PES1: variants seen among roughly 807,000 people sequenced by gnomAD.
The protein encoded by PES1 is pescadillo homolog.
Under a neutral mutation model 77.1 loss-of-function variants are expected in PES1, and 31 were observed. That is an observed-to-expected ratio of 0.40 (90% confidence interval 0.30 to 0.54). PES1 has a LOEUF of 0.54. Ranked by LOEUF, PES1 falls within the 20% of genes least tolerant of loss-of-function variation. The pLI, the probability that PES1 is intolerant of heterozygous loss-of-function variation, is 0.45. For synonymous variants in PES1, 282 were observed against 303.0 expected (o/e 0.93, Z 0.72); for missense variants, 658 against 771.7 (o/e 0.85, Z 1.75).
rs746831383 is a variant in PES1, at chr22:30,589,222, T to G, written c.73A>C (p.Lys25Gln). 3 of 1,614,044 alleles carry G rather than the reference T, an allele frequency of 1.9e-6. No individual in the cohort carries two copies. Among genetic ancestry groups the G allele is most frequent in the Non-Finnish European group, 2.5e-6 (3 of 1,179,964 alleles). ...TCAGCCAAGCTCAGCTGGAGCTTCTTCCGGGCTTTGTTCCGGGTGATGTAG... is the reference window on the plus strand; with the variant it reads ...TCAGCCAAGCTCAGCTGGAGCTTCTGCCGGGCTTTGTTCCGGGTGATGTAG... Reference protein sequence around the residue: ...TNYITRNKARKKLQLSLADFR... With the variant: ...TNYITRNKARQKLQLSLADFR... Residue 25 changes from lysine to glutamine, a missense_variant, in exon 2 of 15, where the codon AAG (lysine) becomes CAG (glutamine). Coordinates refer to ENST00000354694, the MANE Select transcript of PES1 (RefSeq NM_014303.4).
intron 2 of PES1, chr22:30,605,391 CT>C: frequency 7.5e-6 from 7 of 927,908 alleles, no homozygotes; most frequent in Non-Finnish European, 7.7e-6. Context: ...TGTCTCCCTC[CT>C]TTACTTCGAC....
At chr22:30,585,521 A>G (rs4820017) in intron 4 of PES1, among the ~76,000 whole-genome samples, 12,441 of 152,138 alleles carry the variant, frequency 0.082, 605 homozygotes, top group Admixed American at 0.12. Flanking sequence ...GCCCAAGCGG[A>G]CAGACAGAGC....
upstream of PES1, among the ~76,000 whole-genome samples, chr22:30,593,100 G>C (rs946034823): frequency 1.3e-5 from 2 of 152,158 alleles, no homozygotes; most frequent in Non-Finnish European, 2.9e-5. Flanking sequence ...CACAGAGACA[G>C]ACGTTAAGCA....
In PES1 at chr22:30,580,053, C is replaced by T; in HGVS notation, c.1169G>A (p.Arg390Lys). 1 of 1,613,760 alleles carries T rather than the reference C, an allele frequency of 6.2e-7. No individual in the cohort carries two copies. The highest frequency in any genetic ancestry group is 1.3e-5 in the African/African-American group (1 of 75,036). ...RPGQQTSVIG[R>K]CYVQPQWVFD... ...CGGACGAGGACCCTTGAGGGCCTAC[C>T]TGCCAATGACTGAGGTCTGCTGCCC... The change falls in exon 11 of 15, where the codon AGG becomes AAG. Residue 390 changes from arginine to lysine, a missense_variant and splice_region_variant. Arg to Lys is a conservative substitution (Grantham distance 26, BLOSUM62 2). Coordinates refer to ENST00000354694, the MANE Select transcript of PES1 (RefSeq NM_014303.4).
intron 3 of PES1, among the ~76,000 whole-genome samples, chr22:30,587,654 T>C (rs1308600928): frequency 6.6e-6 from 1 of 152,064 alleles, no homozygotes; most frequent in Non-Finnish European, 1.5e-5. Context: ...ACTCCACACG[T>C]TTACATGGGA....
At chr22:30,585,233 G>A (rs1188164343) in intron 4 of PES1, 2 of 471,154 alleles carry the variant, frequency 4.2e-6, no homozygotes, top group Non-Finnish European at 4.4e-6. Context: ...TCATCCCTTG[G>A]ACATGTCTAG....
rs1327182774 is a variant in PES1, at chr22:30,584,670, G to C, written c.416C>G (p.Ser139Cys). 1.2e-6 allele frequency: 2 copies of C among 1,613,842 alleles called. No individual in the cohort carries two copies. Reference sequence around the variant, plus strand: ...GAAGGTGGAAAACAGGAAGCACATGGAGAGGGCATCGTCCAGGTCCCGCAG... The same window carrying C: ...GAAGGTGGAAAACAGGAAGCACATGCAGAGGGCATCGTCCAGGTCCCGCAG... Reference protein sequence around the residue: ...DALRDLDDALSMCFLFSTFPR... With the variant: ...DALRDLDDALCMCFLFSTFPR... The change falls in exon 5 of 15, where the codon TCC becomes TGC. Residue 139 changes from serine (S) to cysteine (C), a missense_variant. Coordinates refer to ENST00000354694, the MANE Select transcript of PES1 (RefSeq NM_014303.4).
chr22:30,603,319 A>G (rs967858485), intron 2 of PES1, among the ~76,000 whole-genome samples: 5 of 152,004 alleles, frequency 3.3e-5, no homozygotes, highest in African/African-American at 1.2e-4. Context: ...GGATTTTTTT[A>G]TGATTTTATC....
chr22:30,585,145 G>C, intron 4 of PES1: 1 of 414,500 alleles, frequency 2.4e-6, no homozygotes, highest in South Asian at 1.8e-5. Flanking sequence ...GAGCGGGGTG[G>C]GGGCTGCTTC....
intron 9 of PES1, 82 bp downstream of exon 9, chr22:30,580,930 T>C (rs1340009698): frequency 3.9e-6 from 5 of 1,268,562 alleles, no homozygotes; most frequent in African/African-American, 1.5e-5. Context: ...CACCTAATTA[T>C]AGGATGCAAA....
intron 1 of PES1, among the ~76,000 whole-genome samples, chr22:30,605,921 T>C (rs145019485): frequency 1.3e-5 from 2 of 152,342 alleles, no homozygotes; most frequent in East Asian, 3.9e-4. Context: ...ATGGAAATGA[T>C]TGGAGATATT....
intron 6 of PES1, 74 bp downstream of exon 6, chr22:30,584,291 A>G: frequency 8.2e-7 from 1 of 1,220,180 alleles, no homozygotes; most frequent in Non-Finnish European, 1.2e-6. Context: ...TGGACAGCAA[A>G]ATCCCCCTTC....
intron 4 of PES1, chr22:30,586,871 C>T (rs1257275214): frequency 5.9e-6 from 1 of 169,100 alleles, no homozygotes; most frequent in Non-Finnish European, 1.3e-5. Flanking sequence ...ATTGTTTGAA[C>T]CTGGGAGGTG....
chr22:30,580,533 C>G, intron 10 of PES1, 38 bp downstream of exon 10: 2 of 1,611,450 alleles, frequency 1.2e-6, no homozygotes, highest in South Asian at 1.1e-5. Context: ...AGAGCATGGC[C>G]GAACCAATGC....
intron 2 of PES1, among the ~76,000 whole-genome samples, chr22:30,600,480 C>G (rs986043213): frequency 4.0e-5 from 6 of 151,610 alleles, no homozygotes; most frequent in Non-Finnish European, 8.8e-5. Context: ...CTCGGGAGTT[C>G]GAGACCAGCC....
chr22:30,599,440 T>C (rs564637864), intron 2 of PES1, among the ~76,000 whole-genome samples: 69 of 151,906 alleles, frequency 4.5e-4, no homozygotes, highest in African/African-American at 1.5e-3. Context: ...TAATTTAATA[T>C]AACTAGTTTA....
chr22:30,588,245 C>G, intron 2 of PES1, 71 bp from the exon 3 acceptor site: 1 of 1,588,778 alleles, frequency 6.3e-7, no homozygotes, highest in Non-Finnish European at 8.6e-7. Context: ...ACAGCTGGGC[C>G]TGGAAAACAA....
At position 30,579,188 on chromosome 22, in the gene PES1, C is replaced by A; in HGVS notation, c.1470G>T (p.Lys490Asn). ...GGGCTGCCAGCCGGGCCTCTTCCTC[C>A]TTTTCTGAACCAGCCTCTGCATCTT... ...EEEDAEAGSEKEEEARLAALE... is the reference protein window; with the variant it reads ...EEEDAEAGSENEEEARLAALE... Residue 490 changes from lysine (K) to asparagine (N), a missense_variant, in exon 13 of 15, where the codon AAG becomes AAT. By Grantham distance (94) the Lys-to-Asn change is moderately conservative. Coordinates refer to ENST00000354694, the MANE Select transcript of PES1 (RefSeq NM_014303.4). 1 of 1,608,306 alleles carries A rather than the reference C, an allele frequency of 6.2e-7. No individual in the cohort carries two copies.
At chr22:30,587,479 A>G in intron 3 of PES1, 84 bp from the exon 4 acceptor site, 1 of 1,024,370 alleles carries the variant, frequency 9.8e-7, no homozygotes, top group South Asian at 1.3e-5. Flanking sequence ...AACGCAGGGC[A>G]GAAGGACTCT....
Sources: gnomAD v4.1 joint callset for allele counts (sites outside exome capture counted in the v4.1 genomes callset) on GRCh38, gnomAD v4.1.1 for gene constraint, MANE v1.5 for transcripts, NCBI Gene and HGNC (gene_info 2026-07-23, HGNC 2026-07-21) for gene names.